The following MTSS2 variants were observed in gnomAD, a reference collection of about 807,000 sequenced individuals.
The protein encoded by MTSS2 is MTSS I-BAR domain containing 2.
Under a neutral mutation model 67.1 loss-of-function variants are expected in MTSS2, and 27 were observed. That is an observed-to-expected ratio of 0.40 (90% CI 0.30 to 0.55). The LOEUF (loss-of-function observed/expected upper bound fraction) is 0.55, where lower values mean the gene tolerates loss of function less well. Ranked by LOEUF, MTSS2 falls within the 20% of genes least tolerant of loss-of-function variation. The probability of loss-of-function intolerance (pLI) is 0.43; values close to 1 mark genes in which losing one functional copy is unlikely to be tolerated. For synonymous variants in MTSS2, 624 were observed against 468.6 expected, an observed-to-expected ratio of 1.33 and a Z score of -4.28; for missense variants, 1,171 against 1,067.8, an observed-to-expected ratio of 1.10 and a Z score of -1.35.
Position 70,664,268 on chromosome 16 carries a change from A to G in MTSS2, c.1653T>C (p.Thr551=). 1.3e-6 allele frequency: 2 copies of G among 1,558,744 alleles called. No homozygotes were observed. The highest frequency in any genetic ancestry group is 1.7e-6 in the Non-Finnish European group (2 of 1,159,364). The change falls in exon 15 of 15, where the codon ACT becomes ACC. Residue 551 remains threonine (T), a synonymous_variant. Coordinates refer to ENST00000338779, the MANE Select transcript of MTSS2 (RefSeq NM_138383.3). ...GLPTAGLPTA[T]GLPSGAPPGV... ...CGGGGGGTGCGCCCGAGGGCAGGCCAGTGGCCGTGGGCAGCCCCGCGGTGG... is the reference window on the plus strand; with the variant it reads ...CGGGGGGTGCGCCCGAGGGCAGGCCGGTGGCCGTGGGCAGCCCCGCGGTGG...
intron 11 of MTSS2, among the ~76,000 whole-genome samples, chr16:70,673,760 G>C (rs1004419247): frequency 6.6e-6 from 1 of 152,122 alleles, no homozygotes; most frequent in African/African-American, 2.4e-5. Context: ...TTGTAAGTTT[G>C]AGAAGGAGTG....
In MTSS2 at chr16:70,664,773, G is replaced by T; in HGVS notation, c.1306-10C>A. Reference sequence around the variant, plus strand: ...ACACCTCCTCACCGTGCTGAGGGTGGGAAAGTGCAGGCTGAAGCCTTGCGC... The same window carrying T: ...ACACCTCCTCACCGTGCTGAGGGTGTGAAAGTGCAGGCTGAAGCCTTGCGC... On this transcript the variant is annotated splice_polypyrimidine_tract_variant and intron_variant, in intron 13 of 14. Coordinates refer to ENST00000338779, the MANE Select transcript of MTSS2 (RefSeq NM_138383.3). 1 of 1,604,724 alleles carries T rather than the reference G, an allele frequency of 6.2e-7. No individual in the cohort carries two copies. Among genetic ancestry groups the T allele is most frequent in the South Asian group, 1.1e-5 (1 of 89,780 alleles).
intron 1 of MTSS2, 58 bp downstream of exon 1, chr16:70,685,665 G>T (rs2053432530): frequency 9.3e-7 from 1 of 1,075,044 alleles, no homozygotes; most frequent in Non-Finnish European, 1.2e-6. Context: ...GCCGCCACGC[G>T]TCCCCGGGGG....
At chr16:70,679,395 C>A (rs1180251334) in intron 6 of MTSS2, 72 bp from the exon 7 acceptor site, 2 of 1,584,240 alleles carry the variant, frequency 1.3e-6, no homozygotes, top group Non-Finnish European at 1.7e-6. Context: ...GCCGGATGGA[C>A]AGAGCCACTC....
chr16:70,682,280 G>A (rs777024337), intron 1 of MTSS2, among the ~76,000 whole-genome samples: 5 of 152,196 alleles, frequency 3.3e-5, no homozygotes, highest in Non-Finnish European at 7.3e-5. Context: ...AGCTCAGGGT[G>A]AAGGGGCCTG....
chr16:70,676,550 G>A (rs1457910362), intron 10 of MTSS2, among the ~76,000 whole-genome samples: 1 of 152,210 alleles, frequency 6.6e-6, no homozygotes, highest in African/African-American at 2.4e-5. Flanking sequence ...TCTGTAAAAT[G>A]GAGATGACAC....
chr16:70,670,651 A>G (rs972139100), intron 11 of MTSS2, among the ~76,000 whole-genome samples: 1 of 152,194 alleles, frequency 6.6e-6, no homozygotes, highest in Non-Finnish European at 1.5e-5. Context: ...TACATACTAT[A>G]TGATTCCATA....
chr16:70,672,264 T>C (rs1423096850), intron 11 of MTSS2, among the ~76,000 whole-genome samples: 1 of 150,030 alleles, frequency 6.7e-6, no homozygotes, highest in Admixed American at 6.7e-5. Context: ...GGAGAATCAC[T>C]TGAACCTGGG....
intron 10 of MTSS2, 35 bp downstream of exon 10, chr16:70,676,846 C>T (rs1172493754): frequency 2.5e-6 from 4 of 1,581,130 alleles, no homozygotes; most frequent in Admixed American, 1.7e-5. Context: ...TGGGATACCG[C>T]CCCCCACACC....
rs2142840176 is a variant in MTSS2 at position 70,674,501 on chromosome 16, C to T, written c.858G>A (p.Lys286=). ...CCCCAGGCCATGGGGCTCCGCCACCCTTGGCACTGCTACTGCTGCTGGGGG... is the reference window on the plus strand; with the variant it reads ...CCCCAGGCCATGGGGCTCCGCCACCTTTGGCACTGCTACTGCTGCTGGGGG... ...CSAPSSSSSA[K]GGGAPWPGGA... The change falls in exon 11 of 15, where the codon AAG becomes AAA. Residue 286 remains lysine, a synonymous_variant. Transcript: ENST00000338779. 6.2e-7 allele frequency: 1 copy of T among 1,613,624 alleles called. No homozygotes were observed. Among genetic ancestry groups the T allele is most frequent in the Non-Finnish European group, 8.5e-7 (1 of 1,179,998 alleles).
chr16:70,677,452 G>C lies in MTSS2; in HGVS notation c.732+340C>G, dbSNP rs534291897. Among the ~76,000 whole-genome samples, 3 of 152,144 alleles carry C rather than the reference G, an allele frequency of 2.0e-5. No homozygotes were observed. In the South Asian group the frequency reaches 6.2e-4, roughly 32 times the overall value. On this transcript the variant is annotated intron_variant, in intron 9 of 14. Coordinates refer to ENST00000338779, the MANE Select transcript of MTSS2 (RefSeq NM_138383.3). ...AGGTACGCCTGGGTCTAGGGGAGGG[G>C]ATGGGGTTTCTGGCCATGAAGGGAG...
intron 1 of MTSS2, among the ~76,000 whole-genome samples, chr16:70,683,687 G>A (rs1271978037): frequency 6.6e-6 from 1 of 152,224 alleles, no homozygotes; most frequent in Non-Finnish European, 1.5e-5. Flanking sequence ...AGAGGCCCAG[G>A]GGAGGGCTTC....
intron 11 of MTSS2, 132 bp downstream of exon 11, chr16:70,674,174 T>G: frequency 1.4e-6 from 1 of 733,526 alleles, no homozygotes. Context: ...AATAAAGGCC[T>G]TGGGGGCCTT....
rs1317406604 is a variant in MTSS2, at chr16:70,661,249, C to T, written c.*2428G>A. 1 of 455,566 alleles carries T rather than the reference C, an allele frequency of 2.2e-6. No individual in the cohort carries two copies. Among genetic ancestry groups the T allele is most frequent in the Middle Eastern group, 3.4e-4 (1 of 2,962 alleles). The allele number at this position is 455,566 out of a possible 1,614,324, so 28.2% of individuals were successfully genotyped here. ...TATTAATACTGGAATCTTCACAGTG[C>T]ATCTGTTACTTGTAGCAGTGACTAT... On this transcript the variant is annotated 3_prime_UTR_variant, in exon 15 of 15. Transcript: ENST00000338779.
chr16:70,664,585 C>G lies in MTSS2; in HGVS notation c.1471+13G>C. 1 of 1,609,946 alleles carries G rather than the reference C, an allele frequency of 6.2e-7. No individual in the cohort carries two copies. Among genetic ancestry groups the G allele is most frequent in the Non-Finnish European group, 8.5e-7 (1 of 1,178,032 alleles). ...CAGCTGTCCCTGGTCCCACCCCAGC[C>G]CCGCGGGCCTGCCTTGGGAGGGGAT... On this transcript the variant is annotated intron_variant, in intron 14 of 14. Coordinates refer to ENST00000338779, the MANE Select transcript of MTSS2 (RefSeq NM_138383.3).
intron 1 of MTSS2, among the ~76,000 whole-genome samples, chr16:70,685,018 A>G (rs762635022): frequency 5.9e-5 from 9 of 152,138 alleles, no homozygotes; most frequent in Admixed American, 1.3e-4. Flanking sequence ...ATCCTGGGAG[A>G]CAAGGAGGGC....
At chr16:70,666,195 AG>A (rs892466269) in intron 11 of MTSS2, among the ~76,000 whole-genome samples, 4 of 151,594 alleles carry the variant, frequency 2.6e-5, no homozygotes, top group African/African-American at 4.9e-5. Flanking sequence ...TCTGCGGAGA[AG>A]GGGGGCAGCT....
Position 70,661,737 on chromosome 16 carries a change from T to C in MTSS2, c.*1940A>G. The C allele has an allele frequency of 4.7e-6, 1 of 213,732 alleles. No individual in the cohort carries two copies. The highest frequency in any genetic ancestry group is 6.6e-5 in the South Asian group (1 of 15,200). The allele number at this position is 213,732 out of a possible 1,614,324, so 13.2% of individuals were successfully genotyped here. A position where few individuals can be genotyped will look rare whatever the true frequency, so the allele number is the denominator to read the frequency against. On this transcript the variant is annotated 3_prime_UTR_variant, in exon 15 of 15. Coordinates refer to ENST00000338779, the MANE Select transcript of MTSS2 (RefSeq NM_138383.3). ...GGGACGGCGGAGTCGGTGGGGGCTG[T>C]GCCACACGAGCCCCCCTCTCTGGGT...
chr16:70,672,700 A>G (rs2052984097), intron 11 of MTSS2, among the ~76,000 whole-genome samples: 3 of 151,902 alleles, frequency 2.0e-5, no homozygotes, highest in African/African-American at 7.2e-5. Flanking sequence ...AAAAAAAGAA[A>G]AAGTCGATTG....
Sources: gnomAD v4.1 joint callset for allele counts (sites outside exome capture counted in the v4.1 genomes callset) on GRCh38, gnomAD v4.1.1 for gene constraint, MANE v1.5 for transcripts, NCBI Gene and HGNC (gene_info 2026-07-23, HGNC 2026-07-21) for gene names.